The following TAOK1 variants were observed in gnomAD, a reference collection of about 807,000 sequenced individuals.
TAOK1 encodes TAO kinase 1.
In TAOK1, 21 loss-of-function variants were observed where a neutral mutation model predicts 138.3. The observed-to-expected ratio is 0.15, with a 90% CI of 0.11 to 0.22. TAOK1 has a LOEUF of 0.22. Among genes scored for constraint, TAOK1 ranks in the 10% least tolerant of loss-of-function variants. The probability of loss-of-function intolerance (pLI) is 1.00; values close to 1 mark genes in which losing one functional copy is unlikely to be tolerated. For synonymous variants in TAOK1, 361 were observed against 398.4 expected, an observed-to-expected ratio of 0.91 and a Z score of 1.12; for missense variants, 651 against 1,227.7, an observed-to-expected ratio of 0.53 and a Z score of 7.02.
At chr17:29,453,812 T>TG (rs1265693744) in intron 2 of TAOK1, among the ~76,000 whole-genome samples, 4 of 148,704 alleles carry the variant, frequency 2.7e-5, no homozygotes, top group African/African-American at 9.9e-5. Context: ...TTTTTTTGTT[T>TG]TTTTTTTTTT....
At chr17:29,439,568 C>T (rs576971836) in intron 1 of TAOK1, among the ~76,000 whole-genome samples, 13 of 152,016 alleles carry the variant, frequency 8.6e-5, no homozygotes, top group Non-Finnish European at 1.3e-4. Flanking sequence ...CCATACATTG[C>T]ATATTGTTGT....
intron 16 of TAOK1, among the ~76,000 whole-genome samples, chr17:29,520,393 T>C (rs767447513): frequency 1.3e-5 from 2 of 151,684 alleles, no homozygotes; most frequent in Non-Finnish European, 2.9e-5. Context: ...AGTTTGAGAC[T>C]GTCCTGGGCA....
chr17:29,498,385 G>C lies in TAOK1; in HGVS notation c.1067G>C (p.Ser356Thr), dbSNP rs1341171609. The change falls in exon 12 of 20, where the codon AGC becomes ACC. Residue 356 changes from serine (S) to threonine (T), a missense_variant. By Grantham distance (58) the Ser-to-Thr change is moderately conservative. This residue lies in a region of TAOK1 where 104 missense variants were observed against 151.7 expected (regional missense o/e 0.69). Coordinates refer to ENST00000261716, the MANE Select transcript of TAOK1 (RefSeq NM_020791.4). ...GTTGGAAGTAATCAATCCATTCCCA[G>C]CATGTCCATCAGTGCCAGCAGCCAA... ...NSVGSNQSIP[S>T]MSISASSQSS... The C allele has an allele frequency of 6.2e-7, 1 of 1,614,202 alleles. No individual in the cohort carries two copies.
At chr17:29,506,706 A>G (rs1405136695) in intron 13 of TAOK1, among the ~76,000 whole-genome samples, 1 of 152,222 alleles carries the variant, frequency 6.6e-6, no homozygotes, top group Non-Finnish European at 1.5e-5. Context: ...AGTATATCAC[A>G]TGTACTCCAT....
chr17:29,410,107 T>C (rs1905100944), intron 1 of TAOK1, among the ~76,000 whole-genome samples: 1 of 152,300 alleles, frequency 6.6e-6, no homozygotes, highest in Admixed American at 6.5e-5. Context: ...AAAAAGTTTA[T>C]CGTCATGGAT....
intron 3 of TAOK1, among the ~76,000 whole-genome samples, chr17:29,471,382 T>C (rs927053811): frequency 1.4e-5 from 2 of 140,852 alleles, no homozygotes; most frequent in African/African-American, 5.4e-5. Flanking sequence ...CGGGTTCAAG[T>C]GATTCTCCTG....
intron 10 of TAOK1, among the ~76,000 whole-genome samples, chr17:29,494,109 A>G (rs368601138): frequency 3.3e-5 from 5 of 151,910 alleles, no homozygotes; most frequent in East Asian, 3.9e-4. Context: ...GGGTTTCACT[A>G]TTGGCTAGGC....
At chr17:29,436,560 A>G (rs541777509) in intron 1 of TAOK1, among the ~76,000 whole-genome samples, 6 of 152,230 alleles carry the variant, frequency 3.9e-5, no homozygotes, top group Non-Finnish European at 7.3e-5. Context: ...CCATCTTCTG[A>G]AAAGGATTAA....
chr17:29,401,499 G>T (rs1233995148), intron 1 of TAOK1, among the ~76,000 whole-genome samples: 4 of 152,092 alleles, frequency 2.6e-5, no homozygotes, highest in African/African-American at 7.2e-5. Context: ...TCCAACAACA[G>T]TAGCTCTTGA....
intron 3 of TAOK1, among the ~76,000 whole-genome samples, chr17:29,469,006 A>C (rs1224864893): frequency 6.6e-6 from 1 of 152,200 alleles, no homozygotes; most frequent in Admixed American, 6.5e-5. Context: ...ACTTTAGTTC[A>C]CTAATATTCT....
At chr17:29,529,865 A>AG (rs1402935675) in intron 17 of TAOK1, among the ~76,000 whole-genome samples, 1 of 151,332 alleles carries the variant, frequency 6.6e-6, no homozygotes, top group Non-Finnish European at 1.5e-5. Flanking sequence ...AGATTCCAAA[A>AG]AAAAAAAAAA....
intron 1 of TAOK1, among the ~76,000 whole-genome samples, chr17:29,427,691 C>T (rs1402887797): frequency 1.3e-5 from 2 of 151,790 alleles, no homozygotes; most frequent in Non-Finnish European, 2.9e-5. Context: ...CTTTGGGAAG[C>T]CAAGGTGGGC....
intron 1 of TAOK1, among the ~76,000 whole-genome samples, chr17:29,444,716 T>C (rs761438519): frequency 3.3e-5 from 5 of 152,224 alleles, no homozygotes; most frequent in Non-Finnish European, 7.4e-5. Flanking sequence ...CTTTTGAGAT[T>C]GTGTTGAATC....
At chr17:29,424,305 C>T (rs1038112952) in intron 1 of TAOK1, among the ~76,000 whole-genome samples, 3 of 149,234 alleles carry the variant, frequency 2.0e-5, no homozygotes, top group South Asian at 2.1e-4. Flanking sequence ...GGCATGGTGG[C>T]GGGTGCCTGT....
In TAOK1 at chr17:29,495,560, C is replaced by A. The variant is rs574386351; in HGVS notation, c.832C>A (p.His278Asn). Residue 278 changes from histidine (H) to asparagine (N), a missense_variant and splice_region_variant, in exon 11 of 20, where the codon CAC becomes AAC. His to Asn is a moderately conservative substitution (Grantham distance 68). This residue lies in a region of TAOK1 where 39 missense variants were observed against 52.5 expected (regional missense o/e 0.74). Coordinates refer to ENST00000261716, the MANE Select transcript of TAOK1 (RefSeq NM_020791.4). Reference sequence around the variant, plus strand: ...ACCTTTTACCTTCTACCCTATCTAGCACATATTTGTTCTTCGGGAGCGCCC... The same window carrying A: ...ACCTTTTACCTTCTACCCTATCTAGAACATATTTGTTCTTCGGGAGCGCCC... ...DRPTSEELLK[H>N]IFVLRERPET... The A allele has an allele frequency of 2.5e-6, 4 of 1,592,556 alleles. No individual in the cohort carries two copies. The East Asian group carries it at 6.7e-5, about 27-fold the overall frequency.
intron 1 of TAOK1, among the ~76,000 whole-genome samples, chr17:29,439,720 T>G (rs1028478324): frequency 6.6e-6 from 1 of 152,144 alleles, no homozygotes; most frequent in South Asian, 2.1e-4. Context: ...TGTGGAGTTA[T>G]AGATATCTAA....
intron 1 of TAOK1, among the ~76,000 whole-genome samples, chr17:29,401,404 A>G (rs1430343546): frequency 7.2e-5 from 11 of 152,166 alleles, no homozygotes. Flanking sequence ...ATATTTTCCC[A>G]TGGTTGGCAG....
At chr17:29,478,386 C>A in intron 6 of TAOK1, 39 bp downstream of exon 6, 1 of 1,392,364 alleles carries the variant, frequency 7.2e-7, no homozygotes, top group Non-Finnish European at 9.7e-7. Flanking sequence ...AAGTAAATGG[C>A]TTGTTGCATA....
intron 1 of TAOK1, among the ~76,000 whole-genome samples, chr17:29,426,148 G>A (rs1259038306): frequency 6.6e-6 from 1 of 152,096 alleles, no homozygotes; most frequent in Non-Finnish European, 1.5e-5. Context: ...CCAAAGTGCT[G>A]GGATTACAGG....
Sources: allele counts gnomAD v4.1 joint callset (sites outside exome capture counted in the v4.1 genomes callset), GRCh38; gene constraint gnomAD v4.1.1; regional missense constraint gnomAD v4.1.1; transcripts MANE v1.5; gene names NCBI Gene and HGNC (gene_info 2026-07-23, HGNC 2026-07-21).